The following SYNE2 variants were observed in gnomAD, a reference collection of about 807,000 sequenced individuals.
The protein encoded by SYNE2 is nesprin-2.
SYNE2 carries 431 observed loss-of-function variants against 856.3 expected under a neutral mutation model. The ratio of observed to expected loss-of-function variants is 0.50; its 90% CI spans 0.47 to 0.55. SYNE2 has a LOEUF of 0.55. SYNE2 is among the 20% of genes least tolerant of loss of function. SYNE2 has a pLI of 0.00. For missense variants in SYNE2, 8,129 were observed against 8,023.2 expected, an observed-to-expected ratio of 1.01 and a Z score of -0.50; for synonymous variants, 2,923 against 2,872.3, an observed-to-expected ratio of 1.02 and a Z score of -0.56.
chr14:64,055,839 A>ATAAAG lies in SYNE2; in HGVS notation c.9745-105_9745-104insTAAAG, dbSNP rs1555455638. 2.3e-3 allele frequency: 1,782 copies of ATAAAG among 781,068 alleles called. 27 individuals are homozygous for ATAAAG. The African/African-American group carries it at 0.028, about 12-fold the overall frequency. 48.4% of individuals were successfully genotyped at this position (781,068 alleles called of 1,614,324 possible). Reference sequence around the variant, plus strand: ...AAACTTAAAGTATAATAATAATAAAAAAAGACTCAGAGACATATTATCTAT... The same window carrying ATAAAG: ...AAACTTAAAGTATAATAATAATAAAATAAAGAAAGACTCAGAGACATATTATCTAT... On this transcript the variant is annotated intron_variant, in intron 48 of 115. Transcript: ENST00000555002.
Position 64,016,537 on chromosome 14 carries a change from G to A in SYNE2, c.4793G>A (p.Cys1598Tyr), listed in dbSNP as rs2096893485. 2 of 1,603,208 alleles carry A rather than the reference G, an allele frequency of 1.2e-6. No individual in the cohort carries two copies. The highest frequency in any genetic ancestry group is 1.7e-6 in the Non-Finnish European group (2 of 1,173,718). ...GTTGTAGACAAGATAAACCAGGTCT[G>A]CAAAAATCTACAATTTTATCTAAAT... ...LEVVDKINQV[C>Y]KNLQFYLNKM... is the part of the protein sequence containing the mutation. The change falls in exon 33 of 116, where the codon TGC becomes TAC. Residue 1598 changes from cysteine to tyrosine, a missense_variant. By Grantham distance (194) the Cys-to-Tyr change is radical (BLOSUM62 -2). Transcript: ENST00000555002.
chr14:63,963,804 G>A, intron 9 of SYNE2, 95 bp from the exon 10 acceptor site: 1 of 764,012 alleles, frequency 1.3e-6, no homozygotes, highest in Non-Finnish European at 2.3e-6. Flanking sequence ...TGTAATGATG[G>A]CATTATTTCA....
intron 1 of SYNE2, among the ~76,000 whole-genome samples, chr14:63,819,686 G>C (rs554465185): frequency 5.9e-5 from 9 of 151,844 alleles, no homozygotes; most frequent in African/African-American, 2.2e-4. Flanking sequence ...ACAGGCGCCC[G>C]CCACCATGCC....
At chr14:64,196,243 T>C (rs2098540189) in intron 99 of SYNE2, among the ~76,000 whole-genome samples, 1 of 152,142 alleles carries the variant, frequency 6.6e-6, no homozygotes, top group Non-Finnish European at 1.5e-5. Context: ...CTTTAGGGAC[T>C]CCTGAAAAAT....
rs774134568 is a variant in SYNE2 at position 64,052,455 on chromosome 14, C to T, written c.8542C>T (p.Leu2848Phe). The T allele has an allele frequency of 3.7e-6, 6 of 1,612,886 alleles. No homozygotes were observed. The highest frequency in any genetic ancestry group is 4.5e-5 in the East Asian group (2 of 44,884). Residue 2848 changes from leucine (L) to phenylalanine (F), a missense_variant, in exon 48 of 116, where the codon CTT becomes TTT. Coordinates refer to ENST00000555002, the MANE Select transcript of SYNE2 (RefSeq NM_182914.3). The stretch of plus-strand genomic sequence containing the variant: ...TTTTGCTATAATAAGGAAGTTTCAA[C>T]TTATGGTTCAAGAAAGTGAAACACT... ...NFFAIIRKFQ[L>F]MVQESETLII...
intron 2 of SYNE2, among the ~76,000 whole-genome samples, chr14:63,929,728 G>A (rs11623256): frequency 0.54 from 81,393 of 150,524 alleles, 23,598 homozygotes; most frequent in Non-Finnish European, 0.64. Context: ...CCGAGATCGC[G>A]CCGTTGCACT....
intron 49 of SYNE2, among the ~76,000 whole-genome samples, chr14:64,056,721 A>G (rs2097273064): frequency 6.6e-6 from 1 of 150,908 alleles, no homozygotes; most frequent in African/African-American, 2.4e-5. Context: ...CCCAGGCTGG[A>G]GTGCAGTGGC....
At chr14:64,135,343 AG>A in intron 78 of SYNE2, among the ~76,000 whole-genome samples, 1 of 152,278 alleles carries the variant, frequency 6.6e-6, no homozygotes, top group East Asian at 1.9e-4. Flanking sequence ...TTTTCCATGG[AG>A]GTATTTTAAC....
chr14:63,793,660 G>A (rs1217802060), intron 1 of SYNE2, among the ~76,000 whole-genome samples: 1 of 152,124 alleles, frequency 6.6e-6, no homozygotes, highest in African/African-American at 2.4e-5. Context: ...GTTGGGCTGG[G>A]CACAGTTGGC....
Position 64,048,237 on chromosome 14 carries a change from G to A in SYNE2, c.7377+82G>A, listed in dbSNP as rs534610109. 32 of 1,421,798 alleles carry A rather than the reference G, an allele frequency of 2.3e-5. 1 individual carries two copies. The South Asian group carries it at 2.3e-4, about 10-fold the overall frequency. 88.1% of individuals were successfully genotyped at this position (1,421,798 alleles called of 1,614,324 possible). ...AATATATTTTAATTGCCAAAAACTT[G>A]CTTGTACAGAGTGAAAAGTCTTATT... is the stretch of plus-strand genomic sequence containing the variant. On this transcript the variant is annotated intron_variant, in intron 46 of 115. Coordinates refer to ENST00000555002, the MANE Select transcript of SYNE2 (RefSeq NM_182914.3).
At position 64,208,862 on chromosome 14, in the gene SYNE2, G is replaced by A; in HGVS notation, c.18306G>A (p.Glu6102=). ...CCGATGCCTGTGCAAATGAGACCGA[G>A]TGTGACTCGATCCAGCAGACCACCA... ...HDSDACANET[E]CDSIQQTTRS... Residue 6102 remains glutamate, a synonymous_variant, in exon 101 of 116, where the codon GAG becomes GAA. Transcript: ENST00000555002. The A allele has an allele frequency of 6.2e-7, 1 of 1,614,222 alleles. No individual in the cohort carries two copies. Among genetic ancestry groups the A allele is most frequent in the Non-Finnish European group, 8.5e-7 (1 of 1,180,046 alleles).
At chr14:63,921,572 G>A (rs1309751357) in intron 2 of SYNE2, among the ~76,000 whole-genome samples, 1 of 152,046 alleles carries the variant, frequency 6.6e-6, no homozygotes, top group South Asian at 2.1e-4. Flanking sequence ...AAAAGGAGAG[G>A]GTAGGAAACA....
At position 64,049,735 on chromosome 14, in the gene SYNE2, T is replaced by C. The variant is rs748706942; in HGVS notation, c.7502T>C (p.Leu2501Ser). Residue 2501 changes from leucine to serine, a missense_variant, in exon 47 of 116, where the codon TTG becomes TCG. Physicochemically the swap from Leu to Ser is moderately radical, Grantham distance 145. This residue lies in a region of SYNE2 where 5,410 missense variants were observed against 5,284.8 expected (regional missense o/e 1.02). Coordinates refer to ENST00000555002, the MANE Select transcript of SYNE2 (RefSeq NM_182914.3). ...LHNIGYSAQHLDNLLQALITL... is the reference protein window; with the variant it reads ...LHNIGYSAQHSDNLLQALITL... ...AATATAGGATATTCGGCACAGCATT[T>C]GGACAATTTGCTTCAGGCACTTATT... The C allele has an allele frequency of 7.4e-6, 12 of 1,614,054 alleles. 1 individual carries two copies. The South Asian group carries it at 1.3e-4, about 18-fold the overall frequency.
intron 58 of SYNE2, among the ~76,000 whole-genome samples, chr14:64,088,840 G>A (rs2097583314): frequency 6.6e-6 from 1 of 152,146 alleles, no homozygotes; most frequent in Non-Finnish European, 1.5e-5. Context: ...TATCTTCAGG[G>A]AATAGTAAGT....
intron 96 of SYNE2, among the ~76,000 whole-genome samples, chr14:64,179,432 C>T (rs1019128786): frequency 2.6e-5 from 4 of 152,218 alleles, no homozygotes; most frequent in Non-Finnish European, 5.9e-5. Context: ...TGAGCCACAG[C>T]GCCTGGCCTA....
At chr14:63,918,040 T>C (rs1280262226) in intron 2 of SYNE2, among the ~76,000 whole-genome samples, 1 of 152,178 alleles carries the variant, frequency 6.6e-6, no homozygotes, top group Non-Finnish European at 1.5e-5. Flanking sequence ...ATCTCATTCA[T>C]TCCTTATAGA....
intron 1 of SYNE2, among the ~76,000 whole-genome samples, chr14:63,907,060 T>G (rs964583520): frequency 4.6e-5 from 7 of 152,172 alleles, no homozygotes; most frequent in Non-Finnish European, 1.0e-4. Context: ...ATATGGACTT[T>G]GGGGGACGTA....
chr14:63,850,518 C>T (rs892892810), upstream of SYNE2, among the ~76,000 whole-genome samples: 3 of 152,050 alleles, frequency 2.0e-5, no homozygotes, highest in East Asian at 1.9e-4. Flanking sequence ...CATTTATAGG[C>T]CCAGGGTTGT....
intron 49 of SYNE2, among the ~76,000 whole-genome samples, chr14:64,061,303 A>T (rs1326461073): frequency 1.3e-5 from 2 of 152,202 alleles, no homozygotes; most frequent in African/African-American, 4.8e-5. Context: ...TTAGCTATTG[A>T]TGGACATTTG....
Sources: gnomAD v4.1 joint callset for allele counts (sites outside exome capture counted in the v4.1 genomes callset) on GRCh38, gnomAD v4.1.1 for gene constraint, gnomAD v4.1.1 regional missense constraint, MANE v1.5 for transcripts, NCBI Gene and HGNC (gene_info 2026-07-23, HGNC 2026-07-21) for gene names.